Variants in SVOPL observed in about 807,000 individuals in gnomAD.
The protein encoded by SVOPL is putative transporter SVOPL.
SVOPL carries 60 observed loss-of-function variants against 61.0 expected under a neutral mutation model. That is an observed-to-expected ratio of 0.98 (90% CI 0.80 to 1.22). The LOEUF (loss-of-function observed/expected upper bound fraction) is 1.22, where lower values mean the gene tolerates loss of function less well. Among genes scored for constraint, SVOPL ranks in the 50% most tolerant of loss-of-function variants. The pLI, the probability that SVOPL is intolerant of heterozygous loss-of-function variation, is 0.00. For synonymous variants in SVOPL, 279 were observed against 250.0 expected, an observed-to-expected ratio of 1.12 and a Z score of -1.09; for missense variants, 662 against 643.9, an observed-to-expected ratio of 1.03 and a Z score of -0.30.
intron 9 of SVOPL, among the ~76,000 whole-genome samples, chr7:138,630,336 T>A (rs1800119210): frequency 6.6e-6 from 1 of 152,178 alleles, no homozygotes; most frequent in South Asian, 2.1e-4. Flanking sequence ...CTTTTTCTCA[T>A]CATTGACAGG....
At chr7:138,697,474 G>A (rs1243905734) in intron 1 of SVOPL, among the ~76,000 whole-genome samples, 1 of 151,758 alleles carries the variant, frequency 6.6e-6, no homozygotes, top group Non-Finnish European at 1.5e-5. Flanking sequence ...CCTGTGTGGT[G>A]GCACGTGCCT....
intron 14 of SVOPL, among the ~76,000 whole-genome samples, chr7:138,614,041 G>A (rs576914342): frequency 6.6e-6 from 1 of 152,322 alleles, no homozygotes; most frequent in African/African-American, 2.4e-5. Flanking sequence ...CAGAGGACAA[G>A]TTCAATAAAT....
intron 3 of SVOPL, 99 bp from the exon 4 acceptor site, chr7:138,672,216 T>A (rs777021997): frequency 8.0e-5 from 87 of 1,093,168 alleles, no homozygotes; most frequent in Non-Finnish European, 1.1e-4. Flanking sequence ...CTGTCCCCTT[T>A]GTCCTTCCCC....
At chr7:138,674,543 G>A (rs1344322289) in intron 3 of SVOPL, among the ~76,000 whole-genome samples, 1 of 150,822 alleles carries the variant, frequency 6.6e-6, no homozygotes, top group Non-Finnish European at 1.5e-5. Context: ...CTGGTGAGCT[G>A]GGGAGAATTC....
chr7:138,618,900 G>A (rs1799425417), intron 14 of SVOPL, among the ~76,000 whole-genome samples: 1 of 152,194 alleles, frequency 6.6e-6, no homozygotes, highest in Admixed American at 6.5e-5. Context: ...GTGGGCTACA[G>A]GAGGCTAAAC....
intron 9 of SVOPL, among the ~76,000 whole-genome samples, chr7:138,642,941 T>C (rs1025643455): frequency 4.0e-5 from 6 of 151,812 alleles, no homozygotes; most frequent in Admixed American, 3.3e-4. Flanking sequence ...TTTAAATAAA[T>C]TGAATCGTAG....
In SVOPL at chr7:138,648,995, C is replaced by T; in HGVS notation, c.660+17G>A. ...GCAGGAGGAGGGGACAGGAAGGAGC[C>T]ACAAGTGCTTCCCCACCTTGAAGGC... On this transcript the variant is annotated intron_variant, in intron 8 of 15. Transcript: ENST00000674285. The T allele has an allele frequency of 6.2e-7, 1 of 1,613,606 alleles. No individual in the cohort carries two copies. The highest frequency in any genetic ancestry group is 8.5e-7 in the Non-Finnish European group (1 of 1,179,784).
intron 14 of SVOPL, among the ~76,000 whole-genome samples, chr7:138,613,318 C>G (rs1799139807): frequency 6.6e-6 from 1 of 152,194 alleles, no homozygotes; most frequent in East Asian, 1.9e-4. Flanking sequence ...CCGTGACAGG[C>G]CAGAGTGATC....
intron 9 of SVOPL, among the ~76,000 whole-genome samples, chr7:138,638,602 G>C (rs1800619810): frequency 6.6e-6 from 1 of 150,382 alleles, no homozygotes; most frequent in Admixed American, 6.7e-5. Context: ...ACAAAAAACA[G>C]CTAAAATAAA....
chr7:138,626,470 G>T (rs1799899370), intron 12 of SVOPL, among the ~76,000 whole-genome samples: 1 of 152,126 alleles, frequency 6.6e-6, no homozygotes, highest in African/African-American at 2.4e-5. Context: ...ATGGCTCACT[G>T]CAGCCTCAGC....
At chr7:138,686,051 A>C (rs1324837630) in intron 1 of SVOPL, among the ~76,000 whole-genome samples, 3 of 152,086 alleles carry the variant, frequency 2.0e-5, no homozygotes, top group Admixed American at 2.0e-4. Context: ...AAGTGGTTAA[A>C]ACAAAAACAG....
At chr7:138,677,092 T>G (rs1369333835) in intron 3 of SVOPL, among the ~76,000 whole-genome samples, 5 of 151,938 alleles carry the variant, frequency 3.3e-5, no homozygotes, top group Admixed American at 6.6e-5. Flanking sequence ...TTTTATTAGA[T>G]ACGGGGTTTC....
chr7:138,691,475 A>G (rs1456851050), intron 1 of SVOPL, among the ~76,000 whole-genome samples: 2 of 152,202 alleles, frequency 1.3e-5, no homozygotes, highest in African/African-American at 4.8e-5. Context: ...TGTTTTCTAC[A>G]TTGAACAGCA....
chr7:138,700,546 G>A lies in SVOPL; in HGVS notation c.-35+632C>T, dbSNP rs545904947. Among the ~76,000 whole-genome samples, 8 of 151,918 alleles carry A rather than the reference G, an allele frequency of 5.3e-5. No individual in the cohort carries two copies. In the South Asian group the frequency reaches 1.0e-3, roughly 20 times the overall value. ...AGTAGAGACGGGGTTTCACCATCTT[G>A]GTCAGGCTGGTCTTGAACTCCTGAC... On this transcript the variant is annotated intron_variant, in intron 1 of 15. Coordinates refer to ENST00000674285, the MANE Select transcript of SVOPL (RefSeq NM_001139456.2).
chr7:138,660,239 G>A, intron 5 of SVOPL: 1 of 1,191,964 alleles, frequency 8.4e-7, no homozygotes, highest in Non-Finnish European at 1.0e-6. Context: ...CCTCATGGGT[G>A]GCAGGTCCCT....
At chr7:138,648,021 A>C (rs1314146582) in intron 8 of SVOPL, among the ~76,000 whole-genome samples, 1 of 151,918 alleles carries the variant, frequency 6.6e-6, no homozygotes, top group Non-Finnish European at 1.5e-5. Context: ...TCAAACTAAA[A>C]CCCCGGTTCT....
At position 138,630,718 on chromosome 7, in the gene SVOPL, G is replaced by A. The variant is rs922027058; in HGVS notation, c.790-596C>T. Reference sequence around the variant, plus strand: ...AGCACTTTGGGAGGCCGAGGTGGGCGGATCACCTGAGGTCAGGAGCTTGAG... The same window carrying A: ...AGCACTTTGGGAGGCCGAGGTGGGCAGATCACCTGAGGTCAGGAGCTTGAG... On this transcript the variant is annotated intron_variant, in intron 9 of 15. Coordinates refer to ENST00000674285, the MANE Select transcript of SVOPL (RefSeq NM_001139456.2). 3.9e-5 allele frequency among the ~76,000 whole-genome samples: 6 copies of A among 152,078 alleles called. 1 individual carries two copies. The highest frequency in any genetic ancestry group is 1.9e-4 in the East Asian group (1 of 5,170).
At chr7:138,661,141 T>C in intron 5 of SVOPL, 1 of 985,418 alleles carries the variant, frequency 1.0e-6, no homozygotes, top group Non-Finnish European at 1.2e-6. Context: ...TGTTTTCCTT[T>C]GAGATTCCTC....
At chr7:138,641,607 G>T (rs936572527) in intron 9 of SVOPL, among the ~76,000 whole-genome samples, 2 of 142,476 alleles carry the variant, frequency 1.4e-5, no homozygotes, top group African/African-American at 5.1e-5. Flanking sequence ...GGAGGCAGAG[G>T]TTGCAGTGAG....
Sources: allele counts gnomAD v4.1 joint callset (sites outside exome capture counted in the v4.1 genomes callset), GRCh38; gene constraint gnomAD v4.1.1; transcripts MANE v1.5; gene names NCBI Gene and HGNC (gene_info 2026-07-23, HGNC 2026-07-21).